The following NLGN1 variants were observed in gnomAD, a reference collection of about 807,000 sequenced individuals.
NLGN1 encodes the protein neuroligin 1.
In NLGN1, 12 loss-of-function variants were observed where a neutral mutation model predicts 65.5. The ratio of observed to expected loss-of-function variants is 0.18; its 90% confidence interval spans 0.12 to 0.30. The LOEUF (loss-of-function observed/expected upper bound fraction) is 0.30, where lower values mean the gene tolerates loss of function less well. NLGN1 is among the 10% of genes least tolerant of loss of function. The pLI is 1.00. For synonymous variants in NLGN1, 350 were observed against 359.5 expected, an observed-to-expected ratio of 0.97 and a Z score of 0.30; for missense variants, 750 against 1,007.1, an observed-to-expected ratio of 0.74 and a Z score of 3.46.
intron 4 of NLGN1, among the ~76,000 whole-genome samples, chr3:173,975,284 T>TG (rs1491192216): frequency 6.6e-6 from 1 of 151,924 alleles, no homozygotes; most frequent in Non-Finnish European, 1.5e-5. Context: ...GTCTCAACAC[T>TG]GGGGATCTCT....
intron 4 of NLGN1, among the ~76,000 whole-genome samples, chr3:173,978,951 G>A (rs1008851718): frequency 6.6e-5 from 10 of 151,536 alleles, no homozygotes; most frequent in African/African-American, 2.2e-4. Flanking sequence ...ATTGCAGCGA[G>A]CCAAGATCAT....
chr3:173,592,536 C>T (rs74652454), intron 2 of NLGN1, among the ~76,000 whole-genome samples: 1 of 152,052 alleles, frequency 6.6e-6, no homozygotes, highest in Non-Finnish European at 1.5e-5. Flanking sequence ...ATTGTATTGT[C>T]ATTTGTTTCC....
At chr3:173,918,694 GTGTGTGTGTATA>G (rs1489030369) in intron 4 of NLGN1, among the ~76,000 whole-genome samples, 77 of 137,660 alleles carry the variant, frequency 5.6e-4, no homozygotes, top group African/African-American at 1.8e-3. Flanking sequence ...GTGTGTGTGT[GTGTGTGTGTATA>G]TATATATATT....
chr3:174,101,493 C>T (rs1009904925), intron 4 of NLGN1, among the ~76,000 whole-genome samples: 6 of 152,132 alleles, frequency 3.9e-5, no homozygotes, highest in Non-Finnish European at 7.4e-5. Flanking sequence ...GATCAGCTTA[C>T]GTCTGAACCC....
intron 3 of NLGN1, among the ~76,000 whole-genome samples, chr3:173,683,998 A>C (rs185016613): frequency 1.3e-5 from 2 of 152,174 alleles, no homozygotes; most frequent in Admixed American, 6.6e-5. Flanking sequence ...TCATTATATG[A>C]TTATGATTTA....
intron 3 of NLGN1, among the ~76,000 whole-genome samples, chr3:173,640,564 A>G (rs893030676): frequency 6.6e-5 from 10 of 152,172 alleles, no homozygotes; most frequent in Non-Finnish European, 1.5e-4. Context: ...AAGAAAATTA[A>G]CATTTATTTA....
At chr3:174,090,481 A>G (rs950711641) in intron 4 of NLGN1, among the ~76,000 whole-genome samples, 25 of 152,112 alleles carry the variant, frequency 1.6e-4, no homozygotes, top group Admixed American at 5.9e-4. Context: ...TCAAAAAAAG[A>G]AAAAAGAAAA....
intron 4 of NLGN1, among the ~76,000 whole-genome samples, chr3:174,251,300 A>G (rs1210085718): frequency 6.6e-6 from 1 of 152,192 alleles, no homozygotes; most frequent in Non-Finnish European, 1.5e-5. Context: ...AATATTTAGG[A>G]AAAAAAGTCT....
chr3:173,769,191 A>G (rs1779217876), intron 3 of NLGN1, among the ~76,000 whole-genome samples: 1 of 152,132 alleles, frequency 6.6e-6, no homozygotes, highest in African/African-American at 2.4e-5. Flanking sequence ...CCTTACACTC[A>G]TCTTTTCCAC....
intron 4 of NLGN1, among the ~76,000 whole-genome samples, chr3:174,205,206 AG>A (rs1341905626): frequency 3.3e-5 from 5 of 152,146 alleles, no homozygotes; most frequent in Non-Finnish European, 5.9e-5. Context: ...TTTCCTCTTA[AG>A]AAAATTTAGA....
At chr3:173,492,910 A>G (rs979105547) in intron 2 of NLGN1, among the ~76,000 whole-genome samples, 1 of 151,750 alleles carries the variant, frequency 6.6e-6, no homozygotes. Context: ...AAATATTAGT[A>G]TCTCCTTAGG....
chr3:173,862,505 CAAAAAAAAAAAAA>C (rs10601211), intron 4 of NLGN1, among the ~76,000 whole-genome samples: 2 of 41,708 alleles, frequency 4.8e-5, no homozygotes, highest in African/African-American at 1.4e-4. Context: ...GACTCCGTCT[CAAAAAAAAAAAAA>C]AAAAAAAAAA....
At chr3:174,029,260 A>G (rs775893438) in intron 4 of NLGN1, among the ~76,000 whole-genome samples, 1 of 152,160 alleles carries the variant, frequency 6.6e-6, no homozygotes, top group African/African-American at 2.4e-5. Flanking sequence ...CAAAACCACA[A>G]GGGTGGAGCT....
intron 4 of NLGN1, among the ~76,000 whole-genome samples, chr3:173,975,211 T>C (rs1262980221): frequency 6.6e-6 from 1 of 152,032 alleles, no homozygotes; most frequent in East Asian, 1.9e-4. Context: ...ATCTAGTTTA[T>C]GTATCACCAA....
chr3:174,120,511 AAAAAAT>A (rs1179041745), intron 4 of NLGN1, among the ~76,000 whole-genome samples: 3 of 152,130 alleles, frequency 2.0e-5, no homozygotes, highest in Non-Finnish European at 4.4e-5. Context: ...TGTCTCAAAA[AAAAAAT>A]AAAAATAAAA....
At chr3:174,045,421 G>A (rs553817618) in intron 4 of NLGN1, among the ~76,000 whole-genome samples, 62 of 152,146 alleles carry the variant, frequency 4.1e-4, no homozygotes, top group African/African-American at 1.4e-3. Context: ...ACTTACTATC[G>A]TGAGAACAGC....
intron 2 of NLGN1, among the ~76,000 whole-genome samples, chr3:173,595,324 C>T (rs1057229181): frequency 2.0e-5 from 3 of 152,076 alleles, no homozygotes; most frequent in African/African-American, 7.2e-5. Flanking sequence ...TTCAAAATTC[C>T]ACACATCTCC....
At chr3:173,669,613 CT>C (rs1025654857) in intron 3 of NLGN1, among the ~76,000 whole-genome samples, 9 of 152,302 alleles carry the variant, frequency 5.9e-5, no homozygotes, top group African/African-American at 2.2e-4. Flanking sequence ...CCACAGCAAC[CT>C]TATTTCCAAA....
chr3:173,717,396 G>A (rs1242518119), intron 3 of NLGN1, among the ~76,000 whole-genome samples: 1 of 152,260 alleles, frequency 6.6e-6, no homozygotes, highest in Admixed American at 6.5e-5. Context: ...TATCAAACCA[G>A]TTAATATTGG....
Sources: gnomAD v4.1 joint callset for allele counts (sites outside exome capture counted in the v4.1 genomes callset) on GRCh38, gnomAD v4.1.1 for gene constraint, MANE v1.5 for transcripts, NCBI Gene and HGNC (gene_info 2026-07-23, HGNC 2026-07-21) for gene names.